Variants in CDH12 observed in about 807,000 individuals in gnomAD.
The protein encoded by CDH12 is cadherin 12.
A neutral mutation model predicts 74.1 loss-of-function variants in CDH12; 41 were observed. That is an observed-to-expected ratio of 0.55 (90% CI 0.43 to 0.72). CDH12 has a LOEUF of 0.72. Among genes scored for constraint, CDH12 ranks in the 30% least tolerant of loss-of-function variants. The pLI is 0.00. For missense variants in CDH12, 945 were observed against 977.2 expected (o/e 0.97, Z 0.44); for synonymous variants, 399 against 355.0 (o/e 1.12, Z -1.39).
intron 1 of CDH12, chr5:22,580,513 C>T: frequency 2.1e-6 from 1 of 480,590 alleles, no homozygotes; most frequent in Non-Finnish European, 4.3e-6. Context: ...GAGCCGGGGA[C>T]TTCAGGAATA....
At chr5:22,328,681 G>T (rs1315943125) in intron 3 of CDH12, among the ~76,000 whole-genome samples, 1 of 152,034 alleles carries the variant, frequency 6.6e-6, no homozygotes, top group African/African-American at 2.4e-5. Flanking sequence ...AAGAAGGAGA[G>T]AAATAGAAAA....
At chr5:22,115,842 C>A (rs1397686040) in intron 4 of CDH12, among the ~76,000 whole-genome samples, 1 of 151,972 alleles carries the variant, frequency 6.6e-6, no homozygotes, top group African/African-American at 2.4e-5. Flanking sequence ...CAGGCACATG[C>A]CACCACACCC....
At chr5:22,087,587 G>A (rs910729593) in intron 4 of CDH12, among the ~76,000 whole-genome samples, 9 of 151,990 alleles carry the variant, frequency 5.9e-5, no homozygotes, top group South Asian at 4.2e-4. Flanking sequence ...GTTGCAGTGC[G>A]CCGCAATCAT....
At chr5:22,345,376 C>T (rs1229676395) in intron 3 of CDH12, among the ~76,000 whole-genome samples, 1 of 151,888 alleles carries the variant, frequency 6.6e-6, no homozygotes, top group African/African-American at 2.4e-5. Context: ...CTTTTTTTCT[C>T]TTGAAGTGTA....
chr5:21,900,316 C>A (rs549710511), intron 6 of CDH12, among the ~76,000 whole-genome samples: 72 of 152,242 alleles, frequency 4.7e-4, no homozygotes, highest in African/African-American at 1.7e-3. Context: ...ACACTATAAA[C>A]TGGCTATTCA....
chr5:22,685,673 G>A (rs911650016), intron 1 of CDH12, among the ~76,000 whole-genome samples: 6 of 152,102 alleles, frequency 3.9e-5, no homozygotes, highest in African/African-American at 1.2e-4. Flanking sequence ...TTTTCTGGCT[G>A]GTTTATTTCA....
At position 22,439,244 on chromosome 5, in the gene CDH12, T is replaced by C. The variant is rs190661124; in HGVS notation, c.-427-33893A>G. Among the ~76,000 whole-genome samples, 34 of 152,086 alleles carry C rather than the reference T, an allele frequency of 2.2e-4. No individual in the cohort carries two copies. The East Asian group carries it at 3.7e-3, about 16-fold the overall frequency. ...AGGACATTTGGACAGTAGCAAGTTA[T>C]ATTAGACAAAAATAAAAACTGAGTC... On this transcript the variant is annotated intron_variant, in intron 2 of 14. Transcript: ENST00000382254.
intron 14 of CDH12, among the ~76,000 whole-genome samples, chr5:21,753,968 CTATG>C: frequency 6.6e-6 from 1 of 151,960 alleles, no homozygotes; most frequent in Admixed American, 6.6e-5. Flanking sequence ...CCATAGTAAA[CTATG>C]TGTGTGTTCA....
At chr5:22,086,346 T>A (rs1015048203) in intron 4 of CDH12, among the ~76,000 whole-genome samples, 1 of 151,728 alleles carries the variant, frequency 6.6e-6, no homozygotes, top group African/African-American at 2.4e-5. Flanking sequence ...TTTATTTATT[T>A]TTTATTATTA....
At chr5:22,214,279 C>A (rs577828333) in intron 3 of CDH12, among the ~76,000 whole-genome samples, 7 of 152,042 alleles carry the variant, frequency 4.6e-5, no homozygotes. Context: ...GTCTCTTGCT[C>A]CCTCAGCTGG....
At chr5:22,348,578 C>T (rs1454786286) in intron 3 of CDH12, among the ~76,000 whole-genome samples, 1 of 152,106 alleles carries the variant, frequency 6.6e-6, no homozygotes, top group Non-Finnish European at 1.5e-5. Context: ...CATATATAAT[C>T]CACGATGAGA....
intron 1 of CDH12, among the ~76,000 whole-genome samples, chr5:22,718,462 A>C (rs1467411680): frequency 6.6e-6 from 1 of 152,238 alleles, no homozygotes; most frequent in African/African-American, 2.4e-5. Flanking sequence ...TTAAGGAATA[A>C]CGGTTGATGA....
chr5:22,510,604 A>C (rs1736561768), intron 1 of CDH12, among the ~76,000 whole-genome samples: 1 of 152,186 alleles, frequency 6.6e-6, no homozygotes, highest in African/African-American at 2.4e-5. Context: ...CAAGTCTTTT[A>C]TGTAAAAAGG....
chr5:22,003,568 T>A (rs2150145929), intron 5 of CDH12, among the ~76,000 whole-genome samples: 1 of 152,278 alleles, frequency 6.6e-6, no homozygotes, highest in Non-Finnish European at 1.5e-5. Context: ...TGGGCCGTCC[T>A]CTGAGCACCA....
At chr5:22,410,642 T>A (rs1465537518) in intron 2 of CDH12, among the ~76,000 whole-genome samples, 2 of 152,114 alleles carry the variant, frequency 1.3e-5, no homozygotes, top group Non-Finnish European at 2.9e-5. Flanking sequence ...AATTTGCATG[T>A]TTTTTCTCTA....
At chr5:22,760,701 C>A (rs200582955) in intron 1 of CDH12, among the ~76,000 whole-genome samples, 2,389 of 92,904 alleles carry the variant, frequency 0.026, 2 homozygotes, top group Middle Eastern at 0.053. Flanking sequence ...AAAAAAAAAA[C>A]AAAAAAAAAA....
At chr5:22,003,690 G>T (rs578213463) in intron 5 of CDH12, among the ~76,000 whole-genome samples, 26 of 152,064 alleles carry the variant, frequency 1.7e-4, no homozygotes, top group African/African-American at 6.3e-4. Context: ...CACACAGAAA[G>T]TGGAGAAAAA....
intron 3 of CDH12, among the ~76,000 whole-genome samples, chr5:22,263,067 G>T (rs770916365): frequency 2.0e-5 from 3 of 151,916 alleles, no homozygotes; most frequent in Non-Finnish European, 4.4e-5. Flanking sequence ...CATTTATGCA[G>T]CCAAAAAATA....
chr5:22,138,152 T>A (rs1746565749), intron 4 of CDH12, among the ~76,000 whole-genome samples: 1 of 152,042 alleles, frequency 6.6e-6, no homozygotes, highest in Non-Finnish European at 1.5e-5. Context: ...TAATCTTCCC[T>A]GACTTGTAGT....
Sources: gnomAD v4.1 joint callset for allele counts (sites outside exome capture counted in the v4.1 genomes callset) on GRCh38, gnomAD v4.1.1 for gene constraint, MANE v1.5 for transcripts, NCBI Gene and HGNC (gene_info 2026-07-23, HGNC 2026-07-21) for gene names.